Variants in MAPK10 observed in about 807,000 individuals in gnomAD.
MAPK10 encodes the protein mitogen-activated protein kinase 10, also known as JNK3 alpha protein kinase.
In MAPK10, 25 loss-of-function variants were observed where a neutral mutation model predicts 59.3. The ratio of observed to expected loss-of-function variants is 0.42; its 90% CI spans 0.31 to 0.59. The LOEUF (loss-of-function observed/expected upper bound fraction) is 0.59, where lower values mean the gene tolerates loss of function less well. Ranked by LOEUF, MAPK10 falls within the 20% of genes least tolerant of loss-of-function variation. The pLI is 0.15. For missense variants in MAPK10, 351 were observed against 568.9 expected, an observed-to-expected ratio of 0.62 and a Z score of 3.90; for synonymous variants, 190 against 200.5, an observed-to-expected ratio of 0.95 and a Z score of 0.44.
intron 11 of MAPK10, among the ~76,000 whole-genome samples, chr4:86,034,330 T>C (rs1390942706): frequency 1.3e-5 from 2 of 152,216 alleles, no homozygotes; most frequent in African/African-American, 4.8e-5. Context: ...TTATATGGAT[T>C]GCATAAACAA....
chr4:86,517,325 G>C (rs1756758938), intron 1 of MAPK10, among the ~76,000 whole-genome samples: 1 of 141,016 alleles, frequency 7.1e-6, no homozygotes, highest in South Asian at 2.2e-4. Flanking sequence ...GCCCAGGCTG[G>C]AGTGCAGTGG....
intron 1 of MAPK10, among the ~76,000 whole-genome samples, chr4:86,412,760 T>G (rs909535460): frequency 6.6e-6 from 1 of 152,240 alleles, no homozygotes; most frequent in Non-Finnish European, 1.5e-5. Context: ...TCGGGTCATT[T>G]AAGGTCTTCT....
intron 9 of MAPK10, chr4:86,082,472 CA>C (rs2050857924): frequency 6.6e-6 from 1 of 152,122 alleles, no homozygotes; most frequent in African/African-American, 2.4e-5. Flanking sequence ...GCATTAAAAA[CA>C]CATTTGATTG....
intron 1 of MAPK10, among the ~76,000 whole-genome samples, chr4:86,533,325 T>C (rs192318554): frequency 1.3e-5 from 2 of 152,280 alleles, no homozygotes; most frequent in Non-Finnish European, 2.9e-5. Flanking sequence ...TGGAGATGGA[T>C]AGCAGTGATA....
chr4:86,049,968 C>T (rs367561978), intron 11 of MAPK10, among the ~76,000 whole-genome samples: 44 of 151,902 alleles, frequency 2.9e-4, no homozygotes, highest in Non-Finnish European at 5.0e-4. Flanking sequence ...GTTTCCTGAC[C>T]AGGACCCTGC....
intron 2 of MAPK10, among the ~76,000 whole-genome samples, chr4:86,250,462 C>T (rs377603572): frequency 6.6e-6 from 1 of 152,088 alleles, no homozygotes; most frequent in Non-Finnish European, 1.5e-5. Context: ...CTCTTATTCC[C>T]GCTGAACTAT....
At chr4:86,304,137 A>C (rs2095519604) in intron 2 of MAPK10, among the ~76,000 whole-genome samples, 1 of 152,196 alleles carries the variant, frequency 6.6e-6, no homozygotes, top group Non-Finnish European at 1.5e-5. Context: ...ATAAGGCAGT[A>C]GGAGGAAAGG....
intron 13 of MAPK10, among the ~76,000 whole-genome samples, chr4:86,019,232 G>T (rs1745044710): frequency 6.6e-6 from 1 of 152,184 alleles, no homozygotes; most frequent in East Asian, 1.9e-4. Flanking sequence ...AAGTTTCCCT[G>T]GTCGTGATCT....
chr4:86,288,165 G>T (rs928566340), intron 2 of MAPK10, among the ~76,000 whole-genome samples: 2 of 150,708 alleles, frequency 1.3e-5, no homozygotes, highest in African/African-American at 2.4e-5. Context: ...AATGTTTTTT[G>T]TTTTTTTTTA....
chr4:86,268,909 T>C (rs1474897650), intron 2 of MAPK10, among the ~76,000 whole-genome samples: 2 of 152,146 alleles, frequency 1.3e-5, no homozygotes, highest in African/African-American at 4.8e-5. Context: ...CAGTAAAATA[T>C]ATACTTCTTG....
At chr4:86,073,403 C>T (rs1402091787) in intron 9 of MAPK10, among the ~76,000 whole-genome samples, 2 of 150,514 alleles carry the variant, frequency 1.3e-5, no homozygotes, top group Non-Finnish European at 3.0e-5. Context: ...TTCAGTTCTG[C>T]TCTGATTTTT....
intron 1 of MAPK10, among the ~76,000 whole-genome samples, chr4:86,471,821 T>C (rs953546670): frequency 6.6e-6 from 1 of 152,184 alleles, no homozygotes; most frequent in African/African-American, 2.4e-5. Context: ...TCTGTGTACC[T>C]CTTTAATATG....
chr4:86,090,727 G>A (rs779753853), intron 9 of MAPK10: 3 of 152,026 alleles, frequency 2.0e-5, no homozygotes, highest in Non-Finnish European at 4.4e-5. Context: ...TGACTAAATT[G>A]CTATTTATGG....
At chr4:86,430,682 A>C (rs1051198951) in intron 1 of MAPK10, among the ~76,000 whole-genome samples, 1 of 152,210 alleles carries the variant, frequency 6.6e-6, no homozygotes, top group Non-Finnish European at 1.5e-5. Context: ...AAAATTGTCC[A>C]GTCAAAATTA....
intron 1 of MAPK10, among the ~76,000 whole-genome samples, chr4:86,371,196 T>C (rs1286294760): frequency 6.9e-6 from 1 of 145,564 alleles, no homozygotes; most frequent in Non-Finnish European, 1.5e-5. Context: ...ATCATTTTTA[T>C]CATTATTATC....
chr4:86,569,305 G>A (rs1354255368), intron 1 of MAPK10, among the ~76,000 whole-genome samples: 1 of 152,104 alleles, frequency 6.6e-6, no homozygotes, highest in East Asian at 1.9e-4. Context: ...AACAACAGGT[G>A]TTGACGAGGA....
At chr4:86,089,117 CA>C in intron 9 of MAPK10, 1 of 985,502 alleles carries the variant, frequency 1.0e-6, no homozygotes, top group South Asian at 1.7e-5. Context: ...GGACAGTGAA[CA>C]AATACCATAA....
At chr4:86,317,854 G>C (rs189818910) in intron 2 of MAPK10, among the ~76,000 whole-genome samples, 10 of 152,332 alleles carry the variant, frequency 6.6e-5, no homozygotes, top group African/African-American at 2.2e-4. Flanking sequence ...GCTGGAGGCT[G>C]TAAGTCAGAA....
intron 11 of MAPK10, among the ~76,000 whole-genome samples, chr4:86,040,083 A>G (rs924327343): frequency 6.6e-6 from 1 of 152,220 alleles, no homozygotes; most frequent in African/African-American, 2.4e-5. Flanking sequence ...ATGCACAGAC[A>G]TCAGTGTAAG....
Sources: gnomAD v4.1 joint callset for allele counts (sites outside exome capture counted in the v4.1 genomes callset) on GRCh38, gnomAD v4.1.1 for gene constraint, MANE v1.5 for transcripts, NCBI Gene and HGNC (gene_info 2026-07-23, HGNC 2026-07-21) for gene names.